The following TMEM132D variants were observed in gnomAD, a reference collection of about 807,000 sequenced individuals.
TMEM132D encodes mature OL transmembrane protein.
In TMEM132D, 21 loss-of-function variants were observed where a neutral mutation model predicts 62.3. The ratio of observed to expected loss-of-function variants is 0.34; its 90% CI spans 0.24 to 0.49. TMEM132D has a LOEUF of 0.49. Ranked by LOEUF, TMEM132D falls within the 20% of genes least tolerant of loss-of-function variation. TMEM132D has a pLI of 0.99. For synonymous variants in TMEM132D, 621 were observed against 575.6 expected, an observed-to-expected ratio of 1.08 and a Z score of -1.13; for missense variants, 1,346 against 1,402.8, an observed-to-expected ratio of 0.96 and a Z score of 0.65.
intron 4 of TMEM132D, among the ~76,000 whole-genome samples, chr12:129,284,733 T>TA (rs1413983487): frequency 1.3e-5 from 2 of 152,114 alleles, no homozygotes; most frequent in African/African-American, 2.4e-5. Context: ...TATTCAGCCA[T>TA]AAAAAAGGAA....
chr12:129,387,301 C>T (rs917197940), intron 3 of TMEM132D, among the ~76,000 whole-genome samples: 2 of 127,730 alleles, frequency 1.6e-5, no homozygotes, highest in African/African-American at 3.5e-5. Context: ...ATGCCAACAC[C>T]AATACCAACA....
At chr12:129,336,681 G>T (rs1869285319) in intron 4 of TMEM132D, among the ~76,000 whole-genome samples, 1 of 152,162 alleles carries the variant, frequency 6.6e-6, no homozygotes, top group South Asian at 2.1e-4. Flanking sequence ...GTGGGACTGA[G>T]GACTCGTATA....
intron 3 of TMEM132D, among the ~76,000 whole-genome samples, chr12:129,359,112 G>A (rs186586026): frequency 5.3e-5 from 8 of 152,294 alleles, no homozygotes; most frequent in Non-Finnish European, 1.0e-4. Flanking sequence ...AAGAAGTTCC[G>A]AGTCATAGTA....
At chr12:129,862,288 C>T (rs1873923589) in intron 1 of TMEM132D, among the ~76,000 whole-genome samples, 1 of 152,224 alleles carries the variant, frequency 6.6e-6, no homozygotes, top group Non-Finnish European at 1.5e-5. Context: ...AAATTTCAAG[C>T]CTCAAATCAG....
chr12:129,465,763 A>G (rs577866636), intron 3 of TMEM132D, among the ~76,000 whole-genome samples: 1 of 152,048 alleles, frequency 6.6e-6, no homozygotes, highest in South Asian at 2.1e-4. Context: ...GCTCACTGTA[A>G]CCTCTGCCTC....
chr12:129,507,371 G>A (rs1322125467), intron 3 of TMEM132D, among the ~76,000 whole-genome samples: 1 of 152,088 alleles, frequency 6.6e-6, no homozygotes, highest in Non-Finnish European at 1.5e-5. Context: ...TATCTATCCA[G>A]AAGAAAATAA....
intron 2 of TMEM132D, among the ~76,000 whole-genome samples, chr12:129,568,165 C>T (rs79711842): frequency 0.013 from 2,042 of 152,328 alleles, 49 homozygotes; most frequent in African/African-American, 0.047. Context: ...GGCAGAGTTC[C>T]TGCAGGTGTG....
At chr12:129,148,633 A>G (rs2135534231) in intron 5 of TMEM132D, among the ~76,000 whole-genome samples, 1 of 152,250 alleles carries the variant, frequency 6.6e-6, no homozygotes, top group South Asian at 2.1e-4. Flanking sequence ...TGACTTCCAG[A>G]TCTCTAAGAT....
intron 5 of TMEM132D, among the ~76,000 whole-genome samples, chr12:129,154,251 G>A (rs188202302): frequency 6.6e-6 from 1 of 152,246 alleles, no homozygotes; most frequent in Non-Finnish European, 1.5e-5. Context: ...AGAGCATCAG[G>A]AGAAGAACCA....
chr12:129,244,385 C>CAA (rs751155633), intron 4 of TMEM132D, among the ~76,000 whole-genome samples: 146 of 85,182 alleles, frequency 1.7e-3, no homozygotes, highest in African/African-American at 5.6e-3. Context: ...GACTCTGTCT[C>CAA]AAAAAAAAAA....
At chr12:129,220,810 C>A (rs1879326103) in intron 4 of TMEM132D, among the ~76,000 whole-genome samples, 1 of 151,722 alleles carries the variant, frequency 6.6e-6, no homozygotes, top group Non-Finnish European at 1.5e-5. Flanking sequence ...AAATAAACCT[C>A]TTAAAGACAG....
At chr12:129,274,861 T>C (rs1368774275) in intron 4 of TMEM132D, among the ~76,000 whole-genome samples, 1 of 152,240 alleles carries the variant, frequency 6.6e-6, no homozygotes, top group Non-Finnish European at 1.5e-5. Context: ...CACTCCAGCC[T>C]GGGCGACAGA....
At chr12:129,281,151 A>G (rs991967073) in intron 4 of TMEM132D, among the ~76,000 whole-genome samples, 4 of 152,052 alleles carry the variant, frequency 2.6e-5, no homozygotes, top group African/African-American at 9.7e-5. Context: ...GCCATACTCT[A>G]TTCTCAGAGA....
intron 3 of TMEM132D, among the ~76,000 whole-genome samples, chr12:129,382,711 C>G (rs959923636): frequency 6.6e-6 from 1 of 152,038 alleles, no homozygotes; most frequent in African/African-American, 2.4e-5. Context: ...AAGCTGGGCT[C>G]TTTTTTATGA....
chr12:129,262,462 G>A (rs1016535256), intron 4 of TMEM132D: 7 of 152,236 alleles, frequency 4.6e-5, no homozygotes, highest in African/African-American at 1.4e-4. Context: ...GAGCATGGAT[G>A]AGGACAGGCA....
At chr12:129,491,990 T>C (rs1874809854) in intron 3 of TMEM132D, among the ~76,000 whole-genome samples, 1 of 152,184 alleles carries the variant, frequency 6.6e-6, no homozygotes, top group African/African-American at 2.4e-5. Flanking sequence ...GAATACTTGT[T>C]TCGATTTTAT....
At chr12:129,174,118 A>G (rs1224834041) in intron 5 of TMEM132D, among the ~76,000 whole-genome samples, 1 of 152,106 alleles carries the variant, frequency 6.6e-6, no homozygotes, top group African/African-American at 2.4e-5. Context: ...ATTTTATTTT[A>G]CCTTAAGTTG....
intron 7 of TMEM132D, among the ~76,000 whole-genome samples, chr12:129,079,656 C>CAAG (rs1178373998): frequency 3.9e-5 from 6 of 152,174 alleles, no homozygotes; most frequent in Non-Finnish European, 7.3e-5. Flanking sequence ...TGATGTAGGT[C>CAAG]AAGACAGCAG....
intron 4 of TMEM132D, among the ~76,000 whole-genome samples, chr12:129,310,766 G>A (rs1050985547): frequency 1.3e-5 from 2 of 152,152 alleles, no homozygotes; most frequent in Non-Finnish European, 2.9e-5. Flanking sequence ...TGATTAGGAA[G>A]GAATTGGACC....
Sources: gnomAD v4.1 joint callset for allele counts (sites outside exome capture counted in the v4.1 genomes callset) on GRCh38, gnomAD v4.1.1 for gene constraint, MANE v1.5 for transcripts, NCBI Gene and HGNC (gene_info 2026-07-23, HGNC 2026-07-21) for gene names.